Variants in MBTD1 observed in about 807,000 individuals in gnomAD.
MBTD1 encodes the protein MBT domain-containing protein 1.
Under a neutral mutation model 87.8 loss-of-function variants are expected in MBTD1, and 24 were observed. The observed-to-expected ratio is 0.27, with a 90% confidence interval of 0.20 to 0.38. MBTD1 has a LOEUF of 0.38. Among genes scored for constraint, MBTD1 ranks in the 10% least tolerant of loss-of-function variants. The probability of loss-of-function intolerance (pLI) is 1.00; values close to 1 mark genes in which losing one functional copy is unlikely to be tolerated. For synonymous variants in MBTD1, 237 were observed against 248.6 expected (o/e 0.95, Z 0.44); for missense variants, 436 against 760.2 (o/e 0.57, Z 5.02).
At chr17:51,180,719 T>C (rs1057001644) in intron 16 of MBTD1, 25 bp from the exon 17 acceptor site, 4 of 1,295,828 alleles carry the variant, frequency 3.1e-6, no homozygotes, top group South Asian at 1.3e-5. Flanking sequence ...GAGAAACATA[T>C]GGGCATTAAG....
chr17:51,192,926 G>A lies in MBTD1; in HGVS notation c.1546C>T (p.Arg516Ter), dbSNP rs1415319419. ...PRLICVATVT[R>*]IIHRLLRIHF... ...ATCCTCAAGAGACGATGAATAATTC[G>A]AGTTACTGTGGCTACACATATTAAA... Residue 516 changes from arginine (R) to a stop codon, truncating the protein, a stop_gained, in exon 15 of 17, where the codon CGA becomes TGA. Transcript: ENST00000586178. LOFTEE classifies it high-confidence loss of function. 1.2e-6 allele frequency: 2 copies of A among 1,613,954 alleles called. No individual in the cohort carries two copies. The highest frequency in any genetic ancestry group is 1.7e-6 in the Non-Finnish European group (2 of 1,179,994).
chr17:51,254,668 G>A (rs1388331884), intron 2 of MBTD1, among the ~76,000 whole-genome samples: 1 of 152,110 alleles, frequency 6.6e-6, no homozygotes, highest in African/African-American at 2.4e-5. Context: ...ACAATTACTT[G>A]GGTCTCAGTT....
chr17:51,244,821 A>C (rs926219558), intron 2 of MBTD1, among the ~76,000 whole-genome samples: 1 of 152,190 alleles, frequency 6.6e-6, no homozygotes, highest in Non-Finnish European at 1.5e-5. Context: ...CCTGAAATCA[A>C]TAATTTTTCC....
chr17:51,192,190 C>A lies in MBTD1; in HGVS notation c.1768+13G>T. The A allele has an allele frequency of 6.5e-7, 1 of 1,538,992 alleles. No homozygotes were observed. The highest frequency in any genetic ancestry group is 8.8e-7 in the Non-Finnish European group (1 of 1,136,010). On this transcript the variant is annotated intron_variant, in intron 16 of 16. Transcript: ENST00000586178. ...AATTAGAAAATGTATGTGAACACCA[C>A]GTGGTGACCCACTTTTCTTATGTCC...
intron 2 of MBTD1, among the ~76,000 whole-genome samples, chr17:51,240,982 T>C (rs565540457): frequency 9.7e-4 from 147 of 150,924 alleles, no homozygotes; most frequent in Non-Finnish European, 1.4e-3. Context: ...TGATGTTAAT[T>C]TTTTTTTTTC....
chr17:51,241,671 C>T (rs1031412625), intron 2 of MBTD1, among the ~76,000 whole-genome samples: 2 of 152,140 alleles, frequency 1.3e-5, no homozygotes, highest in African/African-American at 4.8e-5. Flanking sequence ...TTAAGCAATT[C>T]TTCTGCCTCA....
At chr17:51,248,561 T>C (rs1047962476) in intron 2 of MBTD1, among the ~76,000 whole-genome samples, 4 of 152,228 alleles carry the variant, frequency 2.6e-5, no homozygotes, top group Non-Finnish European at 4.4e-5. Flanking sequence ...CAGTCCTGAG[T>C]TCTATTAGCT....
At chr17:51,241,163 C>T (rs1246596025) in intron 2 of MBTD1, among the ~76,000 whole-genome samples, 5 of 151,964 alleles carry the variant, frequency 3.3e-5, no homozygotes, top group African/African-American at 7.2e-5. Context: ...TTTGTAGAGA[C>T]GGAGTTTTGC....
chr17:51,257,345 C>T (rs11653126), intron 2 of MBTD1, among the ~76,000 whole-genome samples: 56,779 of 152,088 alleles, frequency 0.37, 12,780 homozygotes, highest in East Asian at 0.6. Flanking sequence ...TGTCACTTGT[C>T]TAATTTTAGA....
intron 3 of MBTD1, among the ~76,000 whole-genome samples, chr17:51,222,067 A>C (rs1259908840): frequency 8.5e-5 from 13 of 152,238 alleles, no homozygotes; most frequent in Non-Finnish European, 2.9e-5. Context: ...TAGATAGAAA[A>C]GTTGTGATCC....
chr17:51,250,347 A>C (rs1320442716), intron 2 of MBTD1: 1 of 152,178 alleles, frequency 6.6e-6, no homozygotes, highest in African/African-American at 2.4e-5. Context: ...TGAAATACTT[A>C]TTGTCACAGT....
At position 51,211,078 on chromosome 17, in the gene MBTD1, A is replaced by C. The variant is rs536618363; in HGVS notation, c.487-4073T>G. Among the ~76,000 whole-genome samples the C allele has an allele frequency of 1.3e-4, 19 of 151,192 alleles. No homozygotes were observed. The South Asian group carries it at 2.1e-3, about 17-fold the overall frequency. On this transcript the variant is annotated intron_variant, in intron 6 of 16. Coordinates refer to ENST00000586178, the MANE Select transcript of MBTD1 (RefSeq NM_017643.3). ...CTTGAACCCAGGAGGCGAAGTTTGC[A>C]GTGAGCCAAGATGGTGCCATTACAC...
At chr17:51,227,787 T>C (rs950651565) in intron 2 of MBTD1, among the ~76,000 whole-genome samples, 1 of 150,952 alleles carries the variant, frequency 6.6e-6, no homozygotes, top group Non-Finnish European at 1.5e-5. Flanking sequence ...CCGTCTCTAC[T>C]AAAAATATAT....
intron 2 of MBTD1, among the ~76,000 whole-genome samples, chr17:51,248,792 T>C (rs1156707392): frequency 2.6e-5 from 4 of 152,236 alleles, no homozygotes; most frequent in African/African-American, 9.6e-5. Context: ...ACGAAAATTC[T>C]TGTACAAGGT....
intron 3 of MBTD1, among the ~76,000 whole-genome samples, chr17:51,223,815 A>AG (rs1382706255): frequency 6.6e-6 from 1 of 152,190 alleles, no homozygotes; most frequent in Non-Finnish European, 1.5e-5. Flanking sequence ...CAGCTTGGGC[A>AG]TCAGAGTGAG....
At chr17:51,260,602 G>C, upstream of MBTD1, 1 of 1,612,594 alleles carries the variant, frequency 6.2e-7, no homozygotes. Flanking sequence ...CGGAGCGGAG[G>C]AGACGAATGA....
chr17:51,227,356 T>A (rs1291100090), intron 2 of MBTD1, among the ~76,000 whole-genome samples: 1 of 149,806 alleles, frequency 6.7e-6, no homozygotes, highest in Non-Finnish European at 1.5e-5. Context: ...AGCCCAGGAG[T>A]TCAAGACTAG....
At chr17:51,251,266 G>C (rs12951858) in intron 2 of MBTD1, 59,814 of 151,866 alleles carry the variant, frequency 0.39, 13,259 homozygotes, top group East Asian at 0.6. Context: ...CCTACTTCAA[G>C]AACACCCTCT....
At chr17:51,197,275 T>C (rs919235041) in intron 12 of MBTD1, among the ~76,000 whole-genome samples, 1 of 150,884 alleles carries the variant, frequency 6.6e-6, no homozygotes, top group Non-Finnish European at 1.5e-5. Flanking sequence ...CTTATTTTTG[T>C]ATTTTTAGTA....
Sources: gnomAD v4.1 joint callset for allele counts (sites outside exome capture counted in the v4.1 genomes callset) on GRCh38, gnomAD v4.1.1 for gene constraint, MANE v1.5 for transcripts, NCBI Gene and HGNC (gene_info 2026-07-23, HGNC 2026-07-21) for gene names.